The following DNASE1L3 variants were observed in gnomAD, a reference collection of about 807,000 sequenced individuals.
DNASE1L3 encodes the protein deoxyribonuclease gamma.
A neutral mutation model predicts 30.9 loss-of-function variants in DNASE1L3; 27 were observed. That is an observed-to-expected ratio of 0.87 (90% confidence interval 0.64 to 1.20). The LOEUF is 1.20. Among genes scored for constraint, DNASE1L3 ranks in the 50% most tolerant of loss-of-function variants. The pLI is 0.00. For synonymous variants in DNASE1L3, 135 were observed against 138.0 expected (o/e 0.98, Z 0.15); for missense variants, 364 against 378.2 (o/e 0.96, Z 0.31).
chr3:58,202,904 A>C (rs1034398203), intron 4 of DNASE1L3, among the ~76,000 whole-genome samples: 1 of 152,138 alleles, frequency 6.6e-6, no homozygotes, highest in Non-Finnish European at 1.5e-5. Flanking sequence ...AATTAAGAAC[A>C]AAAGTTCCAA....
In DNASE1L3 at chr3:58,192,943, G is replaced by C. The variant is rs143481658; in HGVS notation, c.802-140C>G. ...CCCCACAGAACACTTACTGGTAAGC[G>C]TCATTCCAAGACCAGCTCGATCAGA... On this transcript the variant is annotated intron_variant, in intron 7 of 7. Coordinates refer to ENST00000394549, the MANE Select transcript of DNASE1L3 (RefSeq NM_004944.4). This position sits in a 1 kb window ranked among gnomAD's most constrained non-coding sequence, Gnocchi z 4.8. 2 of 1,458,600 alleles carry C rather than the reference G, an allele frequency of 1.4e-6. No individual in the cohort carries two copies. The highest frequency in any genetic ancestry group is 1.8e-6 in the Non-Finnish European group (2 of 1,112,806). The allele number at this position is 1,458,600 out of a possible 1,614,324, so 90.4% of individuals were successfully genotyped here. A position where few individuals can be genotyped will look rare whatever the true frequency, so the allele number is the denominator to read the frequency against.
chr3:58,200,379 G>T lies in DNASE1L3; in HGVS notation c.546+618C>A, dbSNP rs2097399891. Among the ~76,000 whole-genome samples the T allele has an allele frequency of 6.6e-6, 1 of 152,178 alleles. No homozygotes were observed. The highest frequency in any genetic ancestry group is 6.5e-5 in the Admixed American group (1 of 15,274). The stretch of plus-strand genomic sequence containing the variant: ...TATTTTGGTCTGGAGGCTGCTGGTG[G>T]CTGTCCTGCCATCCCAGGGATGGAA... On this transcript the variant is annotated intron_variant, in intron 5 of 7. Coordinates refer to ENST00000394549, the MANE Select transcript of DNASE1L3 (RefSeq NM_004944.4). The surrounding 1 kb of genome is among the most constrained non-coding windows in gnomAD (Gnocchi z 4.2).
Position 58,205,454 on chromosome 3 carries a change from G to C in DNASE1L3, c.320+17C>G. ...TTTATTGGTGGCCATGTTCCAGGGA[G>C]CATAGGTGATACTTACTTGTAGAGA... On this transcript the variant is annotated intron_variant, in intron 3 of 7. Transcript: ENST00000394549. 1 of 1,592,924 alleles carries C rather than the reference G, an allele frequency of 6.3e-7. No individual in the cohort carries two copies. Among genetic ancestry groups the C allele is most frequent in the Non-Finnish European group, 8.6e-7 (1 of 1,160,742 alleles).
At chr3:58,202,326 T>C (rs2097401216) in intron 4 of DNASE1L3, among the ~76,000 whole-genome samples, 1 of 140,474 alleles carries the variant, frequency 7.1e-6, no homozygotes, top group African/African-American at 2.7e-5. Context: ...TGTTTTTTTT[T>C]TTTTTTTTTT....
chr3:58,194,504 G>A (rs1373095019), intron 6 of DNASE1L3, among the ~76,000 whole-genome samples: 3 of 149,960 alleles, frequency 2.0e-5, no homozygotes, highest in Admixed American at 6.6e-5. Flanking sequence ...ATTTTTAGTA[G>A]AGACGGGGTT....
intron 2 of DNASE1L3, among the ~76,000 whole-genome samples, chr3:58,206,969 T>C (rs1190099787): frequency 6.6e-5 from 10 of 152,126 alleles, no homozygotes; most frequent in African/African-American, 2.4e-4. Flanking sequence ...TTCCCTATGA[T>C]GGATAAGCCC....
chr3:58,199,289 GC>G (rs1428193558), intron 5 of DNASE1L3, among the ~76,000 whole-genome samples: 3 of 152,176 alleles, frequency 2.0e-5, no homozygotes, highest in Non-Finnish European at 4.4e-5. Context: ...AGGTACAAGA[GC>G]CCACTAACTT....
chr3:58,193,550 T>C (rs1429492283), intron 6 of DNASE1L3, 111 bp from the exon 7 acceptor site: 23 of 901,916 alleles, frequency 2.6e-5, no homozygotes, highest in Non-Finnish European at 3.6e-5. Context: ...GGCCCTTTCA[T>C]GTGGCGCTCA....
At chr3:58,201,636 T>C (rs1403904054) in intron 4 of DNASE1L3, among the ~76,000 whole-genome samples, 4 of 152,228 alleles carry the variant, frequency 2.6e-5, no homozygotes, top group Non-Finnish European at 5.9e-5. Flanking sequence ...CTTCCCTATT[T>C]GGCATAAGCA....
chr3:58,210,116 G>A (rs369885299), intron 1 of DNASE1L3, among the ~76,000 whole-genome samples: 1 of 151,030 alleles, frequency 6.6e-6, no homozygotes, highest in Non-Finnish European at 1.5e-5. Context: ...ATGAGGATGG[G>A]AGAGAGAAGG....
intron 4 of DNASE1L3, among the ~76,000 whole-genome samples, chr3:58,201,420 G>A (rs531002790): frequency 6.6e-6 from 1 of 152,314 alleles, no homozygotes; most frequent in South Asian, 2.1e-4. Context: ...TAAATCATAA[G>A]TGTTAGAAAT....
Position 58,210,725 on chromosome 3 carries a change from T to C in DNASE1L3, c.141+41A>G. 3 of 1,613,328 alleles carry C rather than the reference T, an allele frequency of 1.9e-6. No individual in the cohort carries two copies. In the South Asian group the frequency reaches 3.3e-5, roughly 18 times the overall value. On this transcript the variant is annotated intron_variant, in intron 1 of 7. Coordinates refer to ENST00000394549, the MANE Select transcript of DNASE1L3 (RefSeq NM_004944.4). Reference sequence around the variant, plus strand: ...AAGTCTGCAGACAGGAGAGAGGGTGTGAGGGGTGTCTGGGATCCTCCTCCC... The same window carrying C: ...AAGTCTGCAGACAGGAGAGAGGGTGCGAGGGGTGTCTGGGATCCTCCTCCC...
rs535479591 is a variant in DNASE1L3, at chr3:58,195,717, C to T, written c.704+2104G>A. 1.4e-3 allele frequency among the ~76,000 whole-genome samples: 204 copies of T among 148,624 alleles called. 1 individual carries two copies. The highest frequency in any genetic ancestry group is 4.9e-3 in the African/African-American group (197 of 40,196). On this transcript the variant is annotated intron_variant, in intron 6 of 7. Coordinates refer to ENST00000394549, the MANE Select transcript of DNASE1L3 (RefSeq NM_004944.4). ...AGGAAAATCGCTTGAACCCGGGAGGCGGAGGTTGCAGTGAGCCAAGATCCT... is the reference window on the plus strand; with the variant it reads ...AGGAAAATCGCTTGAACCCGGGAGGTGGAGGTTGCAGTGAGCCAAGATCCT...
At chr3:58,201,552 C>T (rs1427085932) in intron 4 of DNASE1L3, among the ~76,000 whole-genome samples, 1 of 152,230 alleles carries the variant, frequency 6.6e-6, no homozygotes, top group Admixed American at 6.5e-5. Flanking sequence ...CATTCTATGT[C>T]CTTGTACCTT....
chr3:58,204,884 A>G lies in DNASE1L3; in HGVS notation c.321-3T>C. ...TCTTCACAGACACCAGCTTTTCCCTATAAGAAGGAAAAGGAAGTCCTCCCA... is the reference window on the plus strand; with the variant it reads ...TCTTCACAGACACCAGCTTTTCCCTGTAAGAAGGAAAAGGAAGTCCTCCCA... On this transcript the variant is annotated splice_polypyrimidine_tract_variant and splice_region_variant and intron_variant, in intron 3 of 7. Transcript: ENST00000394549. The G allele has an allele frequency of 1.2e-6, 2 of 1,613,486 alleles. No individual in the cohort carries two copies. Among genetic ancestry groups the G allele is most frequent in the Non-Finnish European group, 1.7e-6 (2 of 1,179,440 alleles).
chr3:58,195,593 C>T (rs1166584807), intron 6 of DNASE1L3, among the ~76,000 whole-genome samples: 1 of 135,250 alleles, frequency 7.4e-6, no homozygotes, highest in African/African-American at 2.9e-5. Context: ...CATGGCGAAA[C>T]CCCATCTCTA....
rs1387647848 is a variant in DNASE1L3, at chr3:58,193,361, G to A, written c.783C>T (p.Tyr261=). The part of the protein sequence containing the change: ...SNSVFDFQKA[Y]KLTEEEALDV... ...ACCTTACCTCCTCTTCAGTCAGCTT[G>A]TAAGCTTTCTGGAAGTCAAAAACAC... Residue 261 remains tyrosine, a synonymous_variant, in exon 7 of 8, where the codon TAC becomes TAT. Coordinates refer to ENST00000394549, the MANE Select transcript of DNASE1L3 (RefSeq NM_004944.4). The A allele has an allele frequency of 6.2e-7, 1 of 1,613,978 alleles. No individual in the cohort carries two copies. Among genetic ancestry groups the A allele is most frequent in the Non-Finnish European group, 8.5e-7 (1 of 1,180,012 alleles).
At chr3:58,204,542 A>G (rs1275612223) in intron 4 of DNASE1L3, among the ~76,000 whole-genome samples, 1 of 152,192 alleles carries the variant, frequency 6.6e-6, no homozygotes, top group Non-Finnish European at 1.5e-5. Context: ...GTGGACTACC[A>G]TTGCTTCCAG....
Position 58,193,420 on chromosome 3 carries a change from C to T in DNASE1L3, c.724G>A (p.Glu242Lys). The change falls in exon 7 of 8, where the codon GAA becomes AAA. Residue 242 changes from glutamate to lysine, a missense_variant. Physicochemically the swap from Glu to Lys is moderately conservative, Grantham distance 56 (BLOSUM62 1). Transcript: ENST00000394549. ...TTGGGAACAACAGAACTGACGATTT[C>T]TTGTCCTCTAAGCACAATCCTGGAA... ...AYDRIVLRGQ[E>K]IVSSVVPKSN... 3.7e-6 allele frequency: 6 copies of T among 1,613,824 alleles called. No homozygotes were observed. In the African/African-American group the frequency reaches 8.0e-5, roughly 22 times the overall value.
Sources: gnomAD v4.1 joint callset for allele counts (sites outside exome capture counted in the v4.1 genomes callset) on GRCh38, gnomAD v4.1.1 for gene constraint, Gnocchi (gnomAD v3.1) non-coding constraint, MANE v1.5 for transcripts, NCBI Gene and HGNC (gene_info 2026-07-23, HGNC 2026-07-21) for gene names.